ADCY10: variants seen among roughly 807,000 people sequenced by gnomAD.
The protein encoded by ADCY10 is adenylate cyclase 10.
A neutral mutation model predicts 183.3 loss-of-function variants in ADCY10; 156 were observed. The ratio of observed to expected loss-of-function variants is 0.85; its 90% CI spans 0.75 to 0.97. ADCY10 has a LOEUF of 0.97. Among genes scored for constraint, ADCY10 ranks in the 50% least tolerant of loss-of-function variants. The pLI, the probability that ADCY10 is intolerant of heterozygous loss-of-function variation, is 0.00. For synonymous variants in ADCY10, 645 were observed against 670.0 expected, an observed-to-expected ratio of 0.96 and a Z score of 0.58; for missense variants, 1,745 against 1,934.3, an observed-to-expected ratio of 0.90 and a Z score of 1.84.
chr1:167,848,413 G>C lies in ADCY10; in HGVS notation c.2385C>G (p.His795Gln), dbSNP rs960182962. Residue 795 changes from histidine (H) to glutamine (Q), a missense_variant, in exon 19 of 33, where the codon CAC (histidine) becomes CAG (glutamine). By Grantham distance (24) the His-to-Gln change is conservative (BLOSUM62 0). Transcript: ENST00000367851. ...TTTTCAGTCTGACACCACTTGTGAG[G>C]TGACAGACTTCTTCACTTTCCTTAT... ...HSDKESEEVCHLTSGVRLKNL... is the reference protein window; with the variant it reads ...HSDKESEEVCQLTSGVRLKNL... 3 of 1,613,920 alleles carry C rather than the reference G, an allele frequency of 1.9e-6. No individual in the cohort carries two copies. Among genetic ancestry groups the C allele is most frequent in the Non-Finnish European group, 2.5e-6 (3 of 1,179,940 alleles).
intron 18 of ADCY10, among the ~76,000 whole-genome samples, chr1:167,853,687 C>T (rs1413847618): frequency 1.3e-5 from 2 of 152,128 alleles, no homozygotes; most frequent in African/African-American, 2.4e-5. Context: ...CTGTGTAGCA[C>T]GGGATCTTTG....
In ADCY10 at chr1:167,880,182, G is replaced by T; in HGVS notation, c.1149C>A (p.Ser383=). ...AGACAATCCCACTGGCAACACCGAT[G>T]GATACAGTTCTGGTGCAGGGGAGAC... ...CSQVHKIQTV[S]IGVASGIVFC... is the part of the protein sequence containing the mutation. Residue 383 remains serine, a synonymous_variant, in exon 11 of 33, where the codon TCC becomes TCA. Coordinates refer to ENST00000367851, the MANE Select transcript of ADCY10 (RefSeq NM_018417.6). 1 of 1,612,918 alleles carries T rather than the reference G, an allele frequency of 6.2e-7. No individual in the cohort carries two copies.
At chr1:167,904,626 T>G in intron 2 of ADCY10, 1 of 526,242 alleles carries the variant, frequency 1.9e-6, no homozygotes, top group Admixed American at 3.3e-5. Flanking sequence ...GGTGGCAAGT[T>G]TATTAGTAAG....
intron 5 of ADCY10, among the ~76,000 whole-genome samples, chr1:167,901,064 C>T (rs1557831849): frequency 6.6e-6 from 1 of 152,118 alleles, no homozygotes. Context: ...TACAATGATG[C>T]CTGTATCTCA....
At chr1:167,906,311 G>A (rs1341048808) in intron 1 of ADCY10, among the ~76,000 whole-genome samples, 1 of 151,272 alleles carries the variant, frequency 6.6e-6, no homozygotes, top group Non-Finnish European at 1.5e-5. Flanking sequence ...GAAAAGTCCT[G>A]GCAAACTCAA....
chr1:167,903,514 A>G (rs988754478), intron 3 of ADCY10, among the ~76,000 whole-genome samples: 4 of 152,134 alleles, frequency 2.6e-5, no homozygotes, highest in Non-Finnish European at 4.4e-5. Flanking sequence ...CAGTGAGCCA[A>G]GATTGTGCCA....
intron 18 of ADCY10, among the ~76,000 whole-genome samples, chr1:167,849,898 C>T (rs554465536): frequency 2.0e-5 from 3 of 152,196 alleles, no homozygotes; most frequent in Admixed American, 1.3e-4. Flanking sequence ...GGGAATGGAG[C>T]GGCCCAGCGT....
chr1:167,822,025 A>G lies in ADCY10; in HGVS notation c.4285T>C (p.Trp1429Arg). Residue 1429 changes from tryptophan (W) to arginine (R), a missense_variant and splice_region_variant, in exon 30 of 33, where the codon TGG (tryptophan) becomes CGG (arginine). Trp to Arg is a moderately radical substitution (Grantham distance 101). Transcript: ENST00000367851. ...TAGTGATATGCCACACATTGTTACC[A>G]GATAGCTACAGAGGAATAAAGTCCC... ...LLGLYSSVAI[W>R]YARLQEWDNF... 6.4e-7 allele frequency: 1 copy of G among 1,554,682 alleles called. No individual in the cohort carries two copies.
In ADCY10 at chr1:167,836,557, A is replaced by G. The variant is rs1291248946; in HGVS notation, c.3078-17T>C. Reference sequence around the variant, plus strand: ...TCTTCAGGACTGTCCATATGCAGAAATAAATAATAGTAACTTATACAGTAT... The same window carrying G: ...TCTTCAGGACTGTCCATATGCAGAAGTAAATAATAGTAACTTATACAGTAT... On this transcript the variant is annotated splice_polypyrimidine_tract_variant and intron_variant, in intron 22 of 32. Coordinates refer to ENST00000367851, the MANE Select transcript of ADCY10 (RefSeq NM_018417.6). 1 of 1,494,882 alleles carries G rather than the reference A, an allele frequency of 6.7e-7. No homozygotes were observed. Among genetic ancestry groups the G allele is most frequent in the Non-Finnish European group, 9.3e-7 (1 of 1,072,094 alleles). The allele number at this position is 1,494,882 out of a possible 1,614,324, so 92.6% of individuals were successfully genotyped here. A position where few individuals can be genotyped will look rare whatever the true frequency, so the allele number is the denominator to read the frequency against.
chr1:167,830,548 T>C (rs1299050824), intron 25 of ADCY10, among the ~76,000 whole-genome samples: 1 of 152,046 alleles, frequency 6.6e-6, no homozygotes, highest in African/African-American at 2.4e-5. Context: ...CACACCACCA[T>C]GTCTGGCTAA....
intron 16 of ADCY10, 132 bp from the exon 17 acceptor site, chr1:167,856,571 C>A (rs1665916313): frequency 1.2e-6 from 1 of 868,992 alleles, no homozygotes. Context: ...TAAGTTCAAT[C>A]TTTTCTTTCC....
chr1:167,877,683 C>G (rs1347748524), intron 12 of ADCY10, among the ~76,000 whole-genome samples: 3 of 151,784 alleles, frequency 2.0e-5, no homozygotes, highest in African/African-American at 7.3e-5. Flanking sequence ...GAAGCATATG[C>G]TATAGGAGGA....
At chr1:167,899,035 C>T (rs1229093550) in intron 6 of ADCY10, among the ~76,000 whole-genome samples, 2 of 152,152 alleles carry the variant, frequency 1.3e-5, no homozygotes, top group Admixed American at 1.3e-4. Context: ...TCAGTGATCC[C>T]TCATCCTGGG....
At chr1:167,844,324 A>T (rs998889520) in intron 21 of ADCY10, among the ~76,000 whole-genome samples, 1 of 152,152 alleles carries the variant, frequency 6.6e-6, no homozygotes, top group Non-Finnish European at 1.5e-5. Flanking sequence ...CTACAGCCTG[A>T]TTCCTGTTTT....
chr1:167,892,240 G>A (rs1668650115), intron 8 of ADCY10, among the ~76,000 whole-genome samples: 1 of 152,118 alleles, frequency 6.6e-6, no homozygotes, highest in Non-Finnish European at 1.5e-5. Flanking sequence ...CCAAAGTGCT[G>A]GGATTACAGG....
At chr1:167,859,232 T>C (rs1178155435) in intron 16 of ADCY10, among the ~76,000 whole-genome samples, 1 of 152,182 alleles carries the variant, frequency 6.6e-6, no homozygotes, top group African/African-American at 2.4e-5. Context: ...GGGACTGAAA[T>C]ATAAATTTGG....
At chr1:167,814,737 G>A (rs1662421504) in intron 31 of ADCY10, among the ~76,000 whole-genome samples, 1 of 152,076 alleles carries the variant, frequency 6.6e-6, no homozygotes, top group Non-Finnish European at 1.5e-5. Flanking sequence ...GGCAGACATG[G>A]ATACACAACA....
chr1:167,878,638 A>G lies in ADCY10; in HGVS notation c.1217-3T>C, dbSNP rs1667661125. On this transcript the variant is annotated splice_region_variant and splice_polypyrimidine_tract_variant and intron_variant, in intron 11 of 32. Transcript: ENST00000367851. ...TAAGTTGACTTTTTGACCAATGACT[A>G]TAGCAAGAAAGAGAAAGTCAAAGAT... The G allele has an allele frequency of 6.8e-6, 11 of 1,613,604 alleles. No individual in the cohort carries two copies. In the East Asian group the frequency reaches 2.0e-4, roughly 29 times the overall value.
intron 6 of ADCY10, among the ~76,000 whole-genome samples, chr1:167,898,686 C>T (rs1207331521): frequency 6.6e-6 from 1 of 151,842 alleles, no homozygotes; most frequent in Non-Finnish European, 1.5e-5. Flanking sequence ...ATATGTCTTG[C>T]TGGAAGAGTG....
Sources: gnomAD v4.1 joint callset for allele counts (sites outside exome capture counted in the v4.1 genomes callset) on GRCh38, gnomAD v4.1.1 for gene constraint, MANE v1.5 for transcripts, NCBI Gene and HGNC (gene_info 2026-07-23, HGNC 2026-07-21) for gene names.